Variants in SEMA3A observed in about 807,000 individuals in gnomAD.
The protein encoded by SEMA3A is semaphorin 3A.
In SEMA3A, 29 loss-of-function variants were observed where a neutral mutation model predicts 97.9. The observed-to-expected ratio is 0.30, with a 90% CI of 0.22 to 0.40. The LOEUF is 0.40. SEMA3A is among the 10% of genes least tolerant of loss of function. The probability of loss-of-function intolerance (pLI) is 1.00; values close to 1 mark genes in which losing one functional copy is unlikely to be tolerated. For missense variants in SEMA3A, 763 were observed against 951.3 expected, an observed-to-expected ratio of 0.80 and a Z score of 2.60; for synonymous variants, 321 against 323.7, an observed-to-expected ratio of 0.99 and a Z score of 0.09.
intron 1 of SEMA3A, among the ~76,000 whole-genome samples, chr7:84,387,650 G>T (rs1393647271): frequency 1.3e-5 from 2 of 152,052 alleles, no homozygotes; most frequent in Non-Finnish European, 2.9e-5. Flanking sequence ...AGATAATTCT[G>T]CTCTAATCAG....
chr7:84,442,698 A>G (rs1370923682), intron 1 of SEMA3A, among the ~76,000 whole-genome samples: 1 of 152,152 alleles, frequency 6.6e-6, no homozygotes, highest in Non-Finnish European at 1.5e-5. Context: ...AAGCAAATGA[A>G]CATAAGCCAA....
chr7:84,038,875 T>C (rs1038544793), intron 6 of SEMA3A, among the ~76,000 whole-genome samples: 1 of 152,180 alleles, frequency 6.6e-6, no homozygotes, highest in African/African-American at 2.4e-5. Flanking sequence ...TTGTTTCATC[T>C]TCTAATTTTG....
intron 1 of SEMA3A, among the ~76,000 whole-genome samples, chr7:84,374,810 T>C (rs1420345340): frequency 6.6e-6 from 1 of 152,146 alleles, no homozygotes; most frequent in Non-Finnish European, 1.5e-5. Context: ...GTTTTTAAAG[T>C]ATATGATTGA....
At chr7:84,116,318 T>A (rs1171669793) in intron 3 of SEMA3A, among the ~76,000 whole-genome samples, 1 of 152,204 alleles carries the variant, frequency 6.6e-6, no homozygotes, top group Non-Finnish European at 1.5e-5. Context: ...GTGGCATATT[T>A]CACACGTATA....
At chr7:84,132,536 GCTAT>G (rs1316476191) in intron 2 of SEMA3A, among the ~76,000 whole-genome samples, 8 of 151,534 alleles carry the variant, frequency 5.3e-5, no homozygotes, top group African/African-American at 1.9e-4. Context: ...TGCTCATAAA[GCTAT>G]CTATCTGTAG....
At chr7:84,339,209 T>C (rs568452370) in intron 2 of SEMA3A, among the ~76,000 whole-genome samples, 186 of 152,080 alleles carry the variant, frequency 1.2e-3, no homozygotes, top group African/African-American at 3.7e-3. Context: ...GGTTTGTGTG[T>C]TGAAAAGATG....
chr7:83,978,420 G>C (rs528254792), intron 14 of SEMA3A, among the ~76,000 whole-genome samples: 1 of 152,114 alleles, frequency 6.6e-6, no homozygotes, highest in Non-Finnish European at 1.5e-5. Context: ...AGTCACTGCG[G>C]TGCAACAAAG....
chr7:84,013,581 T>C (rs896295058), intron 7 of SEMA3A, among the ~76,000 whole-genome samples: 5 of 149,132 alleles, frequency 3.4e-5, no homozygotes, highest in African/African-American at 5.2e-5. Context: ...GTAGGCCGGG[T>C]GCAGTGGTTC....
intron 3 of SEMA3A, among the ~76,000 whole-genome samples, chr7:84,282,128 A>G (rs527357428): frequency 1.1e-4 from 16 of 152,164 alleles, no homozygotes; most frequent in Non-Finnish European, 2.1e-4. Context: ...CCATCTGTGC[A>G]TATGTCACAA....
chr7:84,458,178 T>C (rs1238667536), intron 1 of SEMA3A, among the ~76,000 whole-genome samples: 1 of 152,020 alleles, frequency 6.6e-6, no homozygotes. Flanking sequence ...AGATTCTGAG[T>C]TTGTGATATG....
intron 1 of SEMA3A, among the ~76,000 whole-genome samples, chr7:84,451,665 C>T (rs779948496): frequency 6.6e-5 from 10 of 152,136 alleles, no homozygotes; most frequent in Non-Finnish European, 1.0e-4. Flanking sequence ...CAAATTGACA[C>T]GGTTTGAAAA....
intron 1 of SEMA3A, among the ~76,000 whole-genome samples, chr7:84,393,416 G>A (rs1803639587): frequency 6.6e-6 from 1 of 152,040 alleles, no homozygotes; most frequent in African/African-American, 2.4e-5. Context: ...AACAAAGCCG[G>A]AGGCATCACA....
chr7:84,414,997 T>C (rs1449193828), intron 1 of SEMA3A, among the ~76,000 whole-genome samples: 3 of 152,022 alleles, frequency 2.0e-5, no homozygotes, highest in Admixed American at 2.0e-4. Flanking sequence ...TTTATCTAGC[T>C]CACATCACTT....
intron 15 of SEMA3A, among the ~76,000 whole-genome samples, chr7:83,965,986 G>T (rs1788680768): frequency 1.3e-5 from 2 of 150,888 alleles, no homozygotes; most frequent in Non-Finnish European, 3.0e-5. Flanking sequence ...GCCACCAATG[G>T]GTGCATTAAA....
intron 5 of SEMA3A, among the ~76,000 whole-genome samples, chr7:84,058,136 C>G (rs1793068226): frequency 6.6e-6 from 1 of 152,176 alleles, no homozygotes; most frequent in Non-Finnish European, 1.5e-5. Flanking sequence ...AGCCAGTTTA[C>G]AGATGGTTTG....
chr7:84,167,576 T>G (rs1797252370), intron 1 of SEMA3A, among the ~76,000 whole-genome samples: 1 of 152,142 alleles, frequency 6.6e-6, no homozygotes, highest in Admixed American at 6.5e-5. Flanking sequence ...TTGTAAGAAC[T>G]CATGACAATA....
chr7:84,329,071 T>C lies in SEMA3A; in HGVS notation c.-168-21779A>G, dbSNP rs150389420. ...GTGCCATGGTGGTTTGCTGCACCCA[T>C]CAACCCATCATCTACATTAAAACCT... On this transcript the variant is annotated intron_variant, in intron 2 of 3. Transcript: ENST00000424555. 1.6e-3 allele frequency among the ~76,000 whole-genome samples: 244 copies of C among 151,838 alleles called. 2 individuals are homozygous for C. Among genetic ancestry groups the C allele is most frequent in the African/African-American group, 5.5e-3 (229 of 41,464 alleles).
At chr7:84,009,905 CA>C (rs3074687) in intron 9 of SEMA3A, among the ~76,000 whole-genome samples, 122 of 91,700 alleles carry the variant, frequency 1.3e-3, no homozygotes, top group South Asian at 4.5e-3. Context: ...ACACTGGTTA[CA>C]AAAAAAAAAA....
chr7:84,035,840 A>G (rs565013337), intron 6 of SEMA3A, among the ~76,000 whole-genome samples: 95 of 152,122 alleles, frequency 6.2e-4, no homozygotes, highest in Admixed American at 1.9e-3. Flanking sequence ...CCTGTTCACA[A>G]TTTACTTATA....
Sources: gnomAD v4.1 joint callset for allele counts (sites outside exome capture counted in the v4.1 genomes callset) on GRCh38, gnomAD v4.1.1 for gene constraint, MANE v1.5 for transcripts, NCBI Gene and HGNC (gene_info 2026-07-23, HGNC 2026-07-21) for gene names.